BMF: variants seen among roughly 807,000 people sequenced by gnomAD.
BMF encodes the protein bcl-2-modifying factor.
Under a neutral mutation model 22.0 loss-of-function variants are expected in BMF, and 10 were observed. The observed-to-expected ratio is 0.45, with a 90% CI of 0.28 to 0.77. The LOEUF is 0.77. Among genes scored for constraint, BMF ranks in the 30% least tolerant of loss-of-function variants. The pLI, the probability that BMF is intolerant of heterozygous loss-of-function variation, is 0.13. For missense variants in BMF, 206 were observed against 226.8 expected, an observed-to-expected ratio of 0.91 and a Z score of 0.59; for synonymous variants, 87 against 88.1, an observed-to-expected ratio of 0.99 and a Z score of 0.07.
chr15:40,093,376 G>A (rs1037043154), intron 4 of BMF, among the ~76,000 whole-genome samples: 1 of 152,254 alleles, frequency 6.6e-6, no homozygotes, highest in African/African-American at 2.4e-5. Context: ...GGAGGGGAAG[G>A]GAAATCGGGC....
intron 4 of BMF, among the ~76,000 whole-genome samples, chr15:40,097,705 C>T (rs1327125569): frequency 6.6e-6 from 1 of 152,212 alleles, no homozygotes; most frequent in Admixed American, 6.5e-5. Flanking sequence ...GAAAAATATA[C>T]ATGAAGCACT....
At chr15:40,095,287 G>T (rs2036333126) in intron 4 of BMF, among the ~76,000 whole-genome samples, 1 of 152,202 alleles carries the variant, frequency 6.6e-6, no homozygotes, top group African/African-American at 2.4e-5. Context: ...TTTCCTAAAA[G>T]TTTAACAAAA....
chr15:40,096,127 G>C (rs955963433), intron 4 of BMF, among the ~76,000 whole-genome samples: 2 of 151,732 alleles, frequency 1.3e-5, no homozygotes, highest in Non-Finnish European at 2.9e-5. Flanking sequence ...CACACCTGGG[G>C]AGAGGCCCAA....
At chr15:40,105,092 G>C (rs1355861904) in intron 3 of BMF, among the ~76,000 whole-genome samples, 1 of 152,192 alleles carries the variant, frequency 6.6e-6, no homozygotes, top group African/African-American at 2.4e-5. Context: ...CCCTCTGGGA[G>C]TAACTGCAGT....
Position 40,088,027 on chromosome 15 carries a change from TTTC to T in BMF, c.*3757_*3759del, listed in dbSNP as rs2036166114. On this transcript the variant is annotated 3_prime_UTR_variant, in exon 5 of 5. Coordinates refer to ENST00000354670, the MANE Select transcript of BMF (RefSeq NM_001003940.2). The stretch of plus-strand genomic sequence containing the variant: ...ACAGTTTTTTAAAAAATGGGGCCCC[TTTC>T]TTCTTCCTCTCTCCCAGAGGCAGAG... 6.6e-6 allele frequency: 1 copy of T among 152,494 alleles called. No individual in the cohort carries two copies. The highest frequency in any genetic ancestry group is 1.5e-5 in the Non-Finnish European group (1 of 68,016). 9.4% of individuals were successfully genotyped at this position (152,494 alleles called of 1,614,324 possible).
chr15:40,094,250 AG>A (rs1359612542), intron 4 of BMF, among the ~76,000 whole-genome samples: 1 of 152,198 alleles, frequency 6.6e-6, no homozygotes, highest in Non-Finnish European at 1.5e-5. Context: ...TCTGAAGATG[AG>A]GCACAGACTC....
intron 4 of BMF, among the ~76,000 whole-genome samples, chr15:40,094,423 G>A (rs910825525): frequency 4.6e-5 from 7 of 152,254 alleles, no homozygotes; most frequent in South Asian, 4.1e-4. Flanking sequence ...ATGCCTCTGC[G>A]TGTGACAGTC....
At chr15:40,103,684 C>T (rs1330734200) in intron 4 of BMF, among the ~76,000 whole-genome samples, 1 of 152,200 alleles carries the variant, frequency 6.6e-6, no homozygotes, top group Non-Finnish European at 1.5e-5. Flanking sequence ...GGAGCGGCCT[C>T]CCCAGCTGGA....
At chr15:40,095,430 T>C (rs2036336212) in intron 4 of BMF, among the ~76,000 whole-genome samples, 1 of 152,242 alleles carries the variant, frequency 6.6e-6, no homozygotes, top group East Asian at 1.9e-4. Context: ...GAACGTGGGA[T>C]CTTCCACAAG....
intron 4 of BMF, among the ~76,000 whole-genome samples, chr15:40,097,708 G>A (rs58659070): frequency 0.02 from 2,977 of 152,316 alleles, 107 homozygotes; most frequent in African/African-American, 0.069. Context: ...AAATATACAT[G>A]AAGCACTGGG....
Position 40,088,838 on chromosome 15 carries a change from CAGGCCAGGCAG to C in BMF, c.*2938_*2948del, listed in dbSNP as rs1187242893. On this transcript the variant is annotated 3_prime_UTR_variant, in exon 5 of 5. Transcript: ENST00000354670. ...GCTGCCAGTGGCCCAGACTTTGAAA[CAGGCCAGGCAG>C]AGGCCAGGCTGAGTCCTCCACCCTC... The C allele has an allele frequency of 2.0e-5, 3 of 152,398 alleles. No individual in the cohort carries two copies. Among genetic ancestry groups the C allele is most frequent in the East Asian group, 3.8e-4 (2 of 5,206 alleles). 9.4% of individuals were successfully genotyped at this position (152,398 alleles called of 1,614,324 possible).
intron 1 of BMF, 40 bp downstream of exon 1, chr15:40,108,733 C>G (rs1163038383): frequency 6.5e-6 from 1 of 153,172 alleles, no homozygotes; most frequent in Non-Finnish European, 1.5e-5. Context: ...GAGCTGCGAT[C>G]CAACTCCGCC....
intron 4 of BMF, among the ~76,000 whole-genome samples, chr15:40,099,971 T>C (rs1050807662): frequency 2.0e-5 from 3 of 152,112 alleles, no homozygotes; most frequent in Non-Finnish European, 2.9e-5. Context: ...TGCCAAAAAG[T>C]CTAATTACTA....
Position 40,104,186 on chromosome 15 carries a change from C to T in BMF, c.447G>A (p.Val149=). The stretch of plus-strand genomic sequence containing the variant: ...CCTAAACCCCCGTGCCTACTTGCTG[C>T]ACATGAAGCCGGTGGAACTGGTCTG... ...CIADQFHRLH[V]QQHQQNQNRV... is the part of the protein sequence containing the mutation. Residue 149 remains valine (V), a synonymous_variant, in exon 4 of 5, where the codon GTG becomes GTA. Coordinates refer to ENST00000354670, the MANE Select transcript of BMF (RefSeq NM_001003940.2). 2.5e-6 allele frequency: 4 copies of T among 1,614,152 alleles called. No homozygotes were observed. Among genetic ancestry groups the T allele is most frequent in the Middle Eastern group, 1.7e-4 (1 of 6,060 alleles).
In BMF at chr15:40,093,481, C is replaced by T. The variant is rs567430756; in HGVS notation, c.454-1593G>A. 9.2e-5 allele frequency among the ~76,000 whole-genome samples: 14 copies of T among 152,232 alleles called. No homozygotes were observed. The South Asian group carries it at 1.0e-3, about 11-fold the overall frequency. On this transcript the variant is annotated intron_variant, in intron 4 of 4. Transcript: ENST00000354670. ...GATGAGTAAAAAGAGGAAACACACC[C>T]GGCTTAACAAAATCTGGTTAGAGTA...
chr15:40,102,416 C>CAAAA (rs71132141), intron 4 of BMF, among the ~76,000 whole-genome samples: 12 of 95,802 alleles, frequency 1.3e-4, no homozygotes, highest in South Asian at 4.0e-4. Context: ...GCGAAAGAGC[C>CAAAA]AAAAAAAAAA....
At chr15:40,097,256 T>C (rs2036384524) in intron 4 of BMF, among the ~76,000 whole-genome samples, 1 of 150,608 alleles carries the variant, frequency 6.6e-6, no homozygotes, top group Non-Finnish European at 1.5e-5. Flanking sequence ...ACCAAACACC[T>C]GAGCTACCAA....
Position 40,091,739 on chromosome 15 carries a change from G to T in BMF, c.*48C>A. ...GTCAGTCCTGCCCGATGTCCTTCCT[G>T]TTCCAGACGGTGTTCCTGGTGCCCC... On this transcript the variant is annotated 3_prime_UTR_variant, in exon 5 of 5. Coordinates refer to ENST00000354670, the MANE Select transcript of BMF (RefSeq NM_001003940.2). 1 of 1,375,950 alleles carries T rather than the reference G, an allele frequency of 7.3e-7. No homozygotes were observed. Among genetic ancestry groups the T allele is most frequent in the Non-Finnish European group, 1.0e-6 (1 of 982,090 alleles). The allele number at this position is 1,375,950 out of a possible 1,614,324, so 85.2% of individuals were successfully genotyped here.
chr15:40,102,782 A>C (rs982507446), intron 4 of BMF, among the ~76,000 whole-genome samples: 1 of 152,230 alleles, frequency 6.6e-6, no homozygotes, highest in Non-Finnish European at 1.5e-5. Flanking sequence ...ATGGGCAGGA[A>C]GGAGGCCAAG....
Sources: gnomAD v4.1 joint callset for allele counts (sites outside exome capture counted in the v4.1 genomes callset) on GRCh38, gnomAD v4.1.1 for gene constraint, MANE v1.5 for transcripts, NCBI Gene and HGNC (gene_info 2026-07-23, HGNC 2026-07-21) for gene names.